PTK2: variants seen among roughly 807,000 people sequenced by gnomAD.
PTK2 encodes the protein protein tyrosine kinase 2, also known as focal adhesion kinase 1.
PTK2 carries 45 observed loss-of-function variants against 150.1 expected under a neutral mutation model. That is an observed-to-expected ratio of 0.30 (90% CI 0.24 to 0.38). The LOEUF (loss-of-function observed/expected upper bound fraction) is 0.38. Ranked by LOEUF, PTK2 falls within the 10% of genes least tolerant of loss-of-function variation. The probability of loss-of-function intolerance (pLI) is 1.00; values close to 1 mark genes in which losing one functional copy is unlikely to be tolerated. For missense variants in PTK2, 919 were observed against 1,307.3 expected, an observed-to-expected ratio of 0.70 and a Z score of 4.58; for synonymous variants, 432 against 449.2, an observed-to-expected ratio of 0.96 and a Z score of 0.48.
intron 1 of PTK2, among the ~76,000 whole-genome samples, chr8:140,956,058 C>T (rs1001169071): frequency 1.3e-5 from 2 of 152,192 alleles, no homozygotes; most frequent in African/African-American, 2.4e-5. Flanking sequence ...TCCACTACGC[C>T]CTATGCACTT....
chr8:140,680,083 G>A (rs560848193), intron 27 of PTK2, among the ~76,000 whole-genome samples: 9 of 152,278 alleles, frequency 5.9e-5, no homozygotes, highest in South Asian at 2.1e-4. Flanking sequence ...GACAGTACCC[G>A]ATGTGTCAAG....
intron 1 of PTK2, among the ~76,000 whole-genome samples, chr8:140,986,324 G>A (rs150943322): frequency 1.2e-4 from 19 of 152,260 alleles, no homozygotes; most frequent in Middle Eastern, 3.4e-3. Context: ...AAAAAAGAAC[G>A]CGTTTTGGCT....
intron 27 of PTK2, among the ~76,000 whole-genome samples, chr8:140,683,514 C>A (rs968497647): frequency 6.6e-6 from 1 of 152,110 alleles, no homozygotes; most frequent in Admixed American, 6.5e-5. Flanking sequence ...AGGCCAGAAT[C>A]ATTCTGAGTC....
At chr8:140,970,060 T>C (rs534765223) in intron 1 of PTK2, among the ~76,000 whole-genome samples, 31 of 152,250 alleles carry the variant, frequency 2.0e-4, no homozygotes, top group East Asian at 1.3e-3. Context: ...GAGCAGCTCC[T>C]ACTAGGAATT....
chr8:140,892,571 C>A lies in PTK2; in HGVS notation c.-32-1802G>T, dbSNP rs569243692. ...TCTGTCCAGCAAAGAAAAGAGCCAA[C>A]CCTCTGTTGGTATCAAACAAAGCAT... On this transcript the variant is annotated intron_variant, in intron 2 of 31. Coordinates refer to ENST00000522684, the Ensembl canonical transcript of PTK2. 7.7e-4 allele frequency: 343 copies of A among 447,150 alleles called. 2 individuals carry two copies. Among genetic ancestry groups the A allele is most frequent in the Middle Eastern group, 3.1e-3 (9 of 2,896 alleles). The allele number at this position is 447,150 out of a possible 1,614,324, so 27.7% of individuals were successfully genotyped here.
At chr8:140,800,369 A>G in intron 12 of PTK2, 90 bp downstream of exon 12, 1 of 1,017,884 alleles carries the variant, frequency 9.8e-7, no homozygotes, top group Non-Finnish European at 1.6e-6. Context: ...TTTTACAGTT[A>G]CCTAAAAGAG....
chr8:140,931,013 G>A (rs1184550568), intron 1 of PTK2, among the ~76,000 whole-genome samples: 1 of 147,324 alleles, frequency 6.8e-6, no homozygotes, highest in Non-Finnish European at 1.5e-5. Flanking sequence ...AAAGGTTGCA[G>A]TAAGCCGAGA....
At chr8:140,688,541 C>T (rs942442502) in intron 26 of PTK2, among the ~76,000 whole-genome samples, 3 of 151,808 alleles carry the variant, frequency 2.0e-5, no homozygotes, top group Non-Finnish European at 2.9e-5. Flanking sequence ...ATAGTGAGAA[C>T]TCATCTCTAC....
chr8:140,802,234 GGTGATATGGATACTCT>G (rs2100095505), intron 11 of PTK2, among the ~76,000 whole-genome samples: 2 of 152,086 alleles, frequency 1.3e-5, no homozygotes, highest in South Asian at 4.1e-4. Context: ...GGTAGAAGAT[GGTGATATGGATACTCT>G]TGACCCTGTG....
intron 1 of PTK2, among the ~76,000 whole-genome samples, chr8:140,946,514 A>G (rs1229598435): frequency 6.6e-6 from 1 of 152,192 alleles, no homozygotes; most frequent in Non-Finnish European, 1.5e-5. Context: ...TTAGGAAACA[A>G]GAATGTAAAA....
intron 22 of PTK2, among the ~76,000 whole-genome samples, chr8:140,722,909 A>G (rs1163851200): frequency 6.6e-6 from 1 of 152,214 alleles, no homozygotes; most frequent in Non-Finnish European, 1.5e-5. Flanking sequence ...CTTCAAGGCA[A>G]CGGGAACTCA....
At chr8:140,702,483 G>A in intron 25 of PTK2, 87 bp downstream of exon 28, 1 of 1,485,482 alleles carries the variant, frequency 6.7e-7, no homozygotes, top group South Asian at 1.3e-5. Flanking sequence ...CCTCCCAAAA[G>A]TGCTAGGATT....
At chr8:140,756,591 G>T (rs1387023482) in intron 16 of PTK2, among the ~76,000 whole-genome samples, 3 of 151,730 alleles carry the variant, frequency 2.0e-5, no homozygotes, top group African/African-American at 7.3e-5. Flanking sequence ...CAGCTACTTG[G>T]GAGGCTGAGG....
intron 21 of PTK2, among the ~76,000 whole-genome samples, chr8:140,738,246 AG>A (rs535038087): frequency 4.6e-4 from 70 of 152,322 alleles, no homozygotes; most frequent in African/African-American, 1.7e-3. Context: ...CTTGAGGGTT[AG>A]GTAGGATTTC....
intron 20 of PTK2, among the ~76,000 whole-genome samples, chr8:140,742,221 C>T (rs2100056132): frequency 6.6e-6 from 1 of 152,098 alleles, no homozygotes; most frequent in Non-Finnish European, 1.5e-5. Context: ...CAGTCAGATC[C>T]CCTTCACTGA....
intron 12 of PTK2, among the ~76,000 whole-genome samples, chr8:140,796,650 T>C (rs2100091786): frequency 6.6e-6 from 1 of 152,220 alleles, no homozygotes; most frequent in Admixed American, 6.5e-5. Flanking sequence ...GAGAATATTT[T>C]TATAAACAGA....
chr8:140,970,581 G>C (rs902469247), intron 1 of PTK2, among the ~76,000 whole-genome samples: 1 of 152,208 alleles, frequency 6.6e-6, no homozygotes, highest in Admixed American at 6.5e-5. Context: ...AATCTGCCAA[G>C]AAACTGTCCA....
intron 29 of PTK2, 167 bp from the exon 33 acceptor site, chr8:140,669,902 G>T: frequency 1.3e-6 from 1 of 746,746 alleles, no homozygotes; most frequent in Non-Finnish European, 2.2e-6. Context: ...ACTCACTGTT[G>T]CCAGGGTGTG....
chr8:140,671,640 G>A (rs1488946925), intron 29 of PTK2, among the ~76,000 whole-genome samples: 2 of 152,072 alleles, frequency 1.3e-5, no homozygotes, highest in African/African-American at 2.4e-5. Flanking sequence ...TAGGTCGGGT[G>A]CGGTGGCTCA....
Sources: gnomAD v4.1 joint callset for allele counts (sites outside exome capture counted in the v4.1 genomes callset) on GRCh38, gnomAD v4.1.1 for gene constraint, MANE v1.5 for transcripts, NCBI Gene and HGNC (gene_info 2026-07-23, HGNC 2026-07-21) for gene names.